Variants in PSMG2 observed in about 807,000 individuals in gnomAD.
PSMG2 encodes the protein proteasome assembly chaperone 2, also known as CD40 ligand-activated specific transcript 3.
PSMG2 carries 21 observed loss-of-function variants against 31.5 expected under a neutral mutation model. The observed-to-expected ratio is 0.67, with a 90% CI of 0.47 to 0.96. The LOEUF (loss-of-function observed/expected upper bound fraction) is 0.96, where lower values mean the gene tolerates loss of function less well. PSMG2 is among the 40% of genes least tolerant of loss of function. The pLI, the probability that PSMG2 is intolerant of heterozygous loss-of-function variation, is 0.00. For synonymous variants in PSMG2, 120 were observed against 110.4 expected (o/e 1.09, Z -0.54); for missense variants, 318 against 321.2 (o/e 0.99, Z 0.08).
chr18:12,680,085 T>A (rs1455232471), intron 1 of PSMG2, among the ~76,000 whole-genome samples: 3 of 148,362 alleles, frequency 2.0e-5, no homozygotes, highest in African/African-American at 2.5e-5. Flanking sequence ...GAAAAAAAAA[T>A]ATGCTAATCA....
intron 4 of PSMG2, among the ~76,000 whole-genome samples, chr18:12,719,731 C>T (rs1231865194): frequency 8.0e-6 from 1 of 125,258 alleles, no homozygotes; most frequent in African/African-American, 3.1e-5. Flanking sequence ...TTTTTTGAGA[C>T]GGAGTCTTTC....
rs1939328621 is a variant in PSMG2, at chr18:12,725,709, T to G, written c.*178T>G. 1 of 436,256 alleles carries G rather than the reference T, an allele frequency of 2.3e-6. No homozygotes were observed. Among genetic ancestry groups the G allele is most frequent in the African/African-American group, 2.0e-5 (1 of 48,896 alleles). The allele number at this position is 436,256 out of a possible 1,614,324, so 27.0% of individuals were successfully genotyped here. A position where few individuals can be genotyped will look rare whatever the true frequency, so the allele number is the denominator to read the frequency against. On this transcript the variant is annotated 3_prime_UTR_variant, in exon 7 of 7. Coordinates refer to ENST00000317615, the MANE Select transcript of PSMG2 (RefSeq NM_020232.5). ...TTTCATCATATGCACCAAATGTAAA[T>G]TTTGTACAATAAAATTTTATTTCCT... is the stretch of plus-strand genomic sequence containing the variant.
intron 3 of PSMG2, among the ~76,000 whole-genome samples, chr18:12,717,349 T>C (rs1354683945): frequency 1.3e-5 from 2 of 152,346 alleles, no homozygotes; most frequent in South Asian, 2.1e-4. Context: ...TGAGTAGTTA[T>C]TTTATGAGCA....
intron 1 of PSMG2, among the ~76,000 whole-genome samples, chr18:12,660,810 C>T (rs181120222): frequency 6.6e-6 from 1 of 151,618 alleles, no homozygotes; most frequent in East Asian, 1.9e-4. Context: ...AAATATTTTG[C>T]CTGTGTGAGC....
At chr18:12,699,312 T>C, upstream of PSMG2, 1 of 709,862 alleles carries the variant, frequency 1.4e-6, no homozygotes. Context: ...TACCAAAGAC[T>C]AAAAAAAAAG....
At chr18:12,694,659 C>A (rs1018568073) in intron 1 of PSMG2, among the ~76,000 whole-genome samples, 19 of 152,054 alleles carry the variant, frequency 1.2e-4, no homozygotes, top group Non-Finnish European at 2.1e-4. Flanking sequence ...TCCCATCCCA[C>A]TGAGGTTGCA....
intron 2 of PSMG2, among the ~76,000 whole-genome samples, chr18:12,710,960 T>A (rs1289511634): frequency 6.6e-6 from 1 of 152,010 alleles, no homozygotes; most frequent in Non-Finnish European, 1.5e-5. Flanking sequence ...ATTAACCCGT[T>A]GTGACGGTGT....
intron 3 of PSMG2, among the ~76,000 whole-genome samples, chr18:12,713,999 C>T (rs549734279): frequency 1.3e-5 from 2 of 152,302 alleles, no homozygotes; most frequent in African/African-American, 4.8e-5. Flanking sequence ...GATCCACCCA[C>T]CTTGGCCTTT....
At chr18:12,662,281 A>G in intron 1 of PSMG2, 1 of 390,860 alleles carries the variant, frequency 2.6e-6, no homozygotes, top group Non-Finnish European at 5.0e-6. Context: ...AGTGCTATTT[A>G]TACTTTCAAA....
chr18:12,711,159 C>T (rs2040326622), intron 2 of PSMG2, among the ~76,000 whole-genome samples: 1 of 152,010 alleles, frequency 6.6e-6, no homozygotes, highest in African/African-American at 2.4e-5. Flanking sequence ...GTAATCCCAG[C>T]TACTTGAGAG....
chr18:12,707,688 G>T (rs2040283929), intron 2 of PSMG2, among the ~76,000 whole-genome samples: 1 of 152,230 alleles, frequency 6.6e-6, no homozygotes, highest in Non-Finnish European at 1.5e-5. Context: ...GGAGCACCCA[G>T]TTACTACCTT....
intron 1 of PSMG2, among the ~76,000 whole-genome samples, chr18:12,706,308 G>A (rs2040267916): frequency 6.6e-6 from 1 of 152,164 alleles, no homozygotes; most frequent in African/African-American, 2.4e-5. Flanking sequence ...CCAACATGGT[G>A]AAACTCCGTC....
Position 12,661,417 on chromosome 18 carries a change from G to A in PSMG2, c.-37+2644G>A, listed in dbSNP as rs2144935167. The A allele has an allele frequency of 4.3e-6, 4 of 935,134 alleles. No homozygotes were observed. In the South Asian group the frequency reaches 1.5e-4, roughly 35 times the overall value. 57.9% of individuals were successfully genotyped at this position (935,134 alleles called of 1,614,324 possible). On this transcript the variant is annotated intron_variant, in intron 1 of 6. Transcript: ENST00000585331. ...TACCAGCCATTGATATCTTCTCAGT[G>A]GAGTTCTAGCACCCCTGTGGAATAA...
Position 12,660,000 on chromosome 18 carries a change from G to GA in PSMG2, c.-37+1235dup, listed in dbSNP as rs2038662633. ...GTTTAAAATATTTTGAACAATCCAG[G>GA]AAAAAAAATGAAGGTCTACTTTTAT... On this transcript the variant is annotated intron_variant, in intron 1 of 6. Transcript: ENST00000585331. Among the ~76,000 whole-genome samples, 4 of 151,974 alleles carry GA rather than the reference G, an allele frequency of 2.6e-5. No homozygotes were observed. In the South Asian group the frequency reaches 6.2e-4, roughly 24 times the overall value.
At chr18:12,709,298 G>T (rs913373974) in intron 2 of PSMG2, among the ~76,000 whole-genome samples, 12 of 151,486 alleles carry the variant, frequency 7.9e-5, no homozygotes, top group African/African-American at 2.7e-4. Flanking sequence ...GCCTGCCTCA[G>T]CCTCCAAAGT....
At chr18:12,696,329 C>A (rs1291910381) in intron 1 of PSMG2, among the ~76,000 whole-genome samples, 1 of 152,010 alleles carries the variant, frequency 6.6e-6, no homozygotes, top group Non-Finnish European at 1.5e-5. Flanking sequence ...ATGGTGAAAC[C>A]CCATCTCTAC....
At chr18:12,672,174 G>A (rs1260213023) in intron 1 of PSMG2, among the ~76,000 whole-genome samples, 1 of 150,168 alleles carries the variant, frequency 6.7e-6, no homozygotes, top group Non-Finnish European at 1.5e-5. Flanking sequence ...GAGTGCAGTG[G>A]CGCGATCTCA....
intron 1 of PSMG2, chr18:12,672,875 C>T: frequency 1.0e-6 from 1 of 985,366 alleles, no homozygotes; most frequent in Non-Finnish European, 1.2e-6. Flanking sequence ...GAATAAACCA[C>T]AAAAGTGGTA....
At chr18:12,678,660 C>T (rs1459866174) in intron 1 of PSMG2, among the ~76,000 whole-genome samples, 2 of 151,986 alleles carry the variant, frequency 1.3e-5, no homozygotes, top group South Asian at 2.1e-4. Flanking sequence ...CAACAGAATA[C>T]ATTCTATGTA....
Sources: allele counts gnomAD v4.1 joint callset (sites outside exome capture counted in the v4.1 genomes callset), GRCh38; gene constraint gnomAD v4.1.1; transcripts MANE v1.5; gene names NCBI Gene and HGNC (gene_info 2026-07-23, HGNC 2026-07-21).